Variants in CTNNA3 observed in about 807,000 individuals in gnomAD.
CTNNA3 encodes catenin alpha 3.
Under a neutral mutation model 95.7 loss-of-function variants are expected in CTNNA3, and 76 were observed. That is an observed-to-expected ratio of 0.79 (90% CI 0.66 to 0.96). CTNNA3 has a LOEUF of 0.96. Ranked by LOEUF, CTNNA3 falls within the 40% of genes least tolerant of loss-of-function variation. The pLI is 0.00. For synonymous variants in CTNNA3, 431 were observed against 374.4 expected (o/e 1.15, Z -1.74); for missense variants, 1,191 against 1,089.8 (o/e 1.09, Z -1.31).
chr10:65,947,758 C>T (rs2133197999), intron 17 of CTNNA3, among the ~76,000 whole-genome samples: 1 of 152,312 alleles, frequency 6.6e-6, no homozygotes, highest in African/African-American at 2.4e-5. Context: ...CATAACCTAG[C>T]CTAAATTGCC....
At chr10:67,367,198 A>G (rs1480005849) in intron 5 of CTNNA3, among the ~76,000 whole-genome samples, 4 of 152,202 alleles carry the variant, frequency 2.6e-5, no homozygotes, top group Non-Finnish European at 5.9e-5. Context: ...ACAATGGTCT[A>G]AAATCCAGAC....
rs528323910 is a variant in CTNNA3, at chr10:66,833,005, C to G, written c.1048-57481G>C. 2.6e-5 allele frequency among the ~76,000 whole-genome samples: 4 copies of G among 152,326 alleles called. No individual in the cohort carries two copies. In the East Asian group the frequency reaches 7.7e-4, roughly 29 times the overall value. On this transcript the variant is annotated intron_variant, in intron 7 of 17. Transcript: ENST00000433211. ...AACTTCCTCCAAGGCAGTTCACCCC[C>G]TTCCTGAATTTGTGCGATAGATTAT...
rs118172300 is a variant in CTNNA3, at chr10:67,239,131, C to T, written c.580-19261G>A. ...TCTTCACATTAAATGGTAGTGAGGCCGTTGGTACGACTACTTTGGAAAATG... is the reference window on the plus strand; with the variant it reads ...TCTTCACATTAAATGGTAGTGAGGCTGTTGGTACGACTACTTTGGAAAATG... On this transcript the variant is annotated intron_variant, in intron 5 of 17. Coordinates refer to ENST00000433211, the MANE Select transcript of CTNNA3 (RefSeq NM_013266.4). Among the ~76,000 whole-genome samples the T allele has an allele frequency of 6.4e-3, 980 of 152,090 alleles. 5 individuals are homozygous for T. Among genetic ancestry groups the T allele is most frequent in the Non-Finnish European group, 0.011 (721 of 67,988 alleles).
intron 13 of CTNNA3, among the ~76,000 whole-genome samples, chr10:66,177,145 G>A (rs1233253843): frequency 6.6e-6 from 1 of 152,030 alleles, no homozygotes; most frequent in Non-Finnish European, 1.5e-5. Context: ...ATGTTTTGGG[G>A]AAGTGTGCCA....
intron 5 of CTNNA3, among the ~76,000 whole-genome samples, chr10:67,283,547 A>T (rs902141599): frequency 6.6e-6 from 1 of 152,194 alleles, no homozygotes; most frequent in African/African-American, 2.4e-5. Flanking sequence ...GCCCACCGCA[A>T]GGAAGAATCA....
chr10:66,574,876 T>C (rs1371747656), intron 10 of CTNNA3, among the ~76,000 whole-genome samples: 1 of 152,132 alleles, frequency 6.6e-6, no homozygotes, highest in Non-Finnish European at 1.5e-5. Flanking sequence ...CTATATTAAC[T>C]GCATCCATTC....
chr10:67,448,080 C>T (rs759072381), intron 5 of CTNNA3, among the ~76,000 whole-genome samples: 4 of 152,098 alleles, frequency 2.6e-5, no homozygotes, highest in Admixed American at 2.0e-4. Context: ...TTCTTGTCAC[C>T]CCTGCTTTCA....
intron 5 of CTNNA3, among the ~76,000 whole-genome samples, chr10:67,253,886 C>T (rs1305930298): frequency 2.0e-5 from 3 of 152,158 alleles, no homozygotes; most frequent in Admixed American, 6.5e-5. Flanking sequence ...TAGTTCCTTC[C>T]TGACTGGCTA....
intron 13 of CTNNA3, among the ~76,000 whole-genome samples, chr10:66,224,883 AT>A (rs796181515): frequency 2.0e-5 from 3 of 151,836 alleles, no homozygotes; most frequent in African/African-American, 4.8e-5. Flanking sequence ...GTCCAATCTC[AT>A]TTTTTTCTTT....
At chr10:66,450,955 G>A (rs4746591) in intron 11 of CTNNA3, among the ~76,000 whole-genome samples, 30,879 of 151,944 alleles carry the variant, frequency 0.2, 3,473 homozygotes, top group South Asian at 0.3. Flanking sequence ...TGTGATCATG[G>A]GCCAGGTATT....
Position 66,391,049 on chromosome 10 carries a change from C to T in CTNNA3, c.1532-11697G>A, listed in dbSNP as rs147475574. On this transcript the variant is annotated intron_variant, in intron 11 of 17. Transcript: ENST00000433211. Reference sequence around the variant, plus strand: ...CTTTGTATTTTATTGTCTTTTATTCCGCCCAATACAATAGTCAAAATTGTA... The same window carrying T: ...CTTTGTATTTTATTGTCTTTTATTCTGCCCAATACAATAGTCAAAATTGTA... 5.9e-3 allele frequency among the ~76,000 whole-genome samples: 888 copies of T among 151,732 alleles called. 8 individuals carry two copies. Among genetic ancestry groups the T allele is most frequent in the African/African-American group, 0.014 (577 of 41,444 alleles).
chr10:66,464,514 G>A (rs1838822175), intron 11 of CTNNA3, among the ~76,000 whole-genome samples: 1 of 152,118 alleles, frequency 6.6e-6, no homozygotes, highest in Non-Finnish European at 1.5e-5. Context: ...TATAATCGCA[G>A]CACTTTGTGA....
chr10:67,740,514 T>C (rs1278921222), intron 1 of CTNNA3, among the ~76,000 whole-genome samples: 2 of 151,310 alleles, frequency 1.3e-5, no homozygotes, highest in East Asian at 3.9e-4. Context: ...GAACAGACAC[T>C]TGTCAACAGA....
At chr10:66,790,349 T>C (rs1455036445) in intron 7 of CTNNA3, among the ~76,000 whole-genome samples, 1 of 151,922 alleles carries the variant, frequency 6.6e-6, no homozygotes, top group African/African-American at 2.4e-5. Context: ...CTCGGGAGAC[T>C]GAGGAAGGAG....
rs146611321 is a variant in CTNNA3 at position 66,779,025 on chromosome 10, G to A, written c.1048-3501C>T. On this transcript the variant is annotated intron_variant, in intron 7 of 17. Transcript: ENST00000433211. ...AAAATAAAATAGTAAATAAGAAATA[G>A]ACAACCAAAAAATCCCAACCCTCAA... Among the ~76,000 whole-genome samples, 919 of 151,958 alleles carry A rather than the reference G, an allele frequency of 6.0e-3. 6 individuals carry two copies. Among genetic ancestry groups the A allele is most frequent in the Middle Eastern group, 0.027 (8 of 294 alleles).
intron 15 of CTNNA3, among the ~76,000 whole-genome samples, chr10:66,016,352 A>T (rs1224863349): frequency 2.0e-5 from 3 of 152,270 alleles, no homozygotes; most frequent in African/African-American, 7.2e-5. Flanking sequence ...TGAATGACAT[A>T]TGCCCTTACT....
chr10:67,538,061 A>G (rs1465530068), intron 4 of CTNNA3, among the ~76,000 whole-genome samples: 6 of 151,838 alleles, frequency 4.0e-5, no homozygotes, highest in Non-Finnish European at 8.8e-5. Flanking sequence ...AGAAGCAAGT[A>G]ACAGAAACCT....
chr10:67,636,800 G>A (rs1408130114), intron 2 of CTNNA3, among the ~76,000 whole-genome samples: 1 of 152,098 alleles, frequency 6.6e-6, no homozygotes, highest in Non-Finnish European at 1.5e-5. Flanking sequence ...TGCAGCTGAG[G>A]GTCCTGAATG....
intron 7 of CTNNA3, among the ~76,000 whole-genome samples, chr10:66,872,701 C>A (rs1375590258): frequency 7.1e-6 from 1 of 140,344 alleles, no homozygotes; most frequent in East Asian, 2.1e-4. Context: ...ATAATTTCAA[C>A]TTTTATTTTT....
Sources: allele counts gnomAD v4.1 joint callset (sites outside exome capture counted in the v4.1 genomes callset), GRCh38; gene constraint gnomAD v4.1.1; transcripts MANE v1.5; gene names NCBI Gene and HGNC (gene_info 2026-07-23, HGNC 2026-07-21).